DOCK10: variants seen among roughly 807,000 people sequenced by gnomAD.
DOCK10 encodes dedicator of cytokinesis 10.
DOCK10 carries 145 observed loss-of-function variants against 280.1 expected under a neutral mutation model. That is an observed-to-expected ratio of 0.52 (90% CI 0.45 to 0.59). The LOEUF is 0.59. Ranked by LOEUF, DOCK10 falls within the 20% of genes least tolerant of loss-of-function variation. DOCK10 has a pLI of 0.00. For missense variants in DOCK10, 2,368 were observed against 2,651.7 expected (o/e 0.89, Z 2.35); for synonymous variants, 915 against 942.2 (o/e 0.97, Z 0.53).
At chr2:224,900,288 AC>A (rs1700222385) in intron 3 of DOCK10, among the ~76,000 whole-genome samples, 1 of 151,922 alleles carries the variant, frequency 6.6e-6, no homozygotes, top group Non-Finnish European at 1.5e-5. Flanking sequence ...AAAAAAAAAA[AC>A]ACAAAACTTT....
intron 14 of DOCK10, among the ~76,000 whole-genome samples, chr2:224,858,096 G>A (rs72972610): frequency 0.095 from 14,444 of 152,124 alleles, 946 homozygotes; most frequent in Middle Eastern, 0.17. Context: ...TATAAAGGGC[G>A]TTTGTTTCAG....
intron 1 of DOCK10, chr2:224,946,864 T>C (rs13021295): frequency 1.3e-6 from 2 of 1,542,496 alleles, no homozygotes; most frequent in Admixed American, 4.1e-5. Flanking sequence ...AATCTGTGGA[T>C]TTCTTCTTGG....
intron 23 of DOCK10, 55 bp downstream of exon 23, chr2:224,841,749 T>A: frequency 8.0e-7 from 1 of 1,248,354 alleles, no homozygotes; most frequent in Non-Finnish European, 1.2e-6. Context: ...TGTAAAAGTC[T>A]CTTTTGCACA....
intron 40 of DOCK10, 34 bp from the exon 41 acceptor site, chr2:224,800,297 C>A: frequency 7.4e-7 from 1 of 1,357,722 alleles, no homozygotes; most frequent in South Asian, 1.2e-5. Flanking sequence ...GCGTAAAAGT[C>A]TAAGACAATG....
chr2:224,804,224 A>G lies in DOCK10; in HGVS notation c.4167-11T>C, dbSNP rs772958595. On this transcript the variant is annotated splice_polypyrimidine_tract_variant and intron_variant, in intron 38 of 55. Coordinates refer to ENST00000258390, the MANE Select transcript of DOCK10 (RefSeq NM_014689.3). ...GCAGCAGCAATTTTTCTGCAATGAA[A>G]ATGGAAGTTTTAATCATAGCTCAGT... is the stretch of plus-strand genomic sequence containing the variant. 6.4e-7 allele frequency: 1 copy of G among 1,573,060 alleles called. No homozygotes were observed. Among genetic ancestry groups the G allele is most frequent in the East Asian group, 2.3e-5 (1 of 44,430 alleles).
chr2:224,815,134 C>T (rs553173654), intron 30 of DOCK10, among the ~76,000 whole-genome samples: 1 of 152,076 alleles, frequency 6.6e-6, no homozygotes, highest in Non-Finnish European at 1.5e-5. Flanking sequence ...GTTCTCATGA[C>T]AGTAAGTGAG....
At chr2:224,886,342 T>TACC in intron 5 of DOCK10, 117 bp downstream of exon 5, 1 of 1,446,596 alleles carries the variant, frequency 6.9e-7, no homozygotes, top group Non-Finnish European at 9.5e-7. Context: ...CTAAAAGCCC[T>TACC]ACCACCAACA....
intron 1 of DOCK10, among the ~76,000 whole-genome samples, chr2:225,029,424 G>A (rs1372540678): frequency 4.6e-5 from 7 of 152,044 alleles, no homozygotes; most frequent in Admixed American, 1.3e-4. Flanking sequence ...CACCTGCCTC[G>A]GCCTCCCATA....
At chr2:225,025,995 A>C (rs1689909964) in intron 1 of DOCK10, among the ~76,000 whole-genome samples, 1 of 152,164 alleles carries the variant, frequency 6.6e-6, no homozygotes, top group Admixed American at 6.5e-5. Context: ...GAAGAGGAAG[A>C]GACTAAGTCT....
chr2:224,885,869 A>C, intron 6 of DOCK10, 64 bp from the exon 7 acceptor site: 1 of 1,565,674 alleles, frequency 6.4e-7, no homozygotes, highest in Non-Finnish European at 8.6e-7. Context: ...CATAGAAATT[A>C]GAATTATTCT....
At chr2:224,859,853 T>A (rs1034003726) in intron 14 of DOCK10, among the ~76,000 whole-genome samples, 3 of 152,248 alleles carry the variant, frequency 2.0e-5, no homozygotes, top group Non-Finnish European at 4.4e-5. Flanking sequence ...CTTCCTCTGA[T>A]GCTGTGCACA....
chr2:224,922,081 T>C (rs1445380237), intron 2 of DOCK10, among the ~76,000 whole-genome samples: 1 of 141,060 alleles, frequency 7.1e-6, no homozygotes, highest in Non-Finnish European at 1.5e-5. Flanking sequence ...ATGGCGCCAC[T>C]GTACTCCAGC....
chr2:224,954,532 C>T (rs190515819), intron 1 of DOCK10, among the ~76,000 whole-genome samples: 2 of 152,110 alleles, frequency 1.3e-5, no homozygotes, highest in South Asian at 4.1e-4. Flanking sequence ...CCAGCTTCAG[C>T]CTGCTCTGCT....
chr2:224,895,393 GT>G (rs1699922459), intron 4 of DOCK10, among the ~76,000 whole-genome samples: 1 of 152,156 alleles, frequency 6.6e-6, no homozygotes, highest in South Asian at 2.1e-4. Flanking sequence ...TGTTTCAAGT[GT>G]TTTTCTGAAT....
chr2:224,984,262 CCTCCG>C (rs2126260247), intron 1 of DOCK10, among the ~76,000 whole-genome samples: 1 of 152,350 alleles, frequency 6.6e-6, no homozygotes, highest in East Asian at 1.9e-4. Flanking sequence ...AAGACAGATC[CCTCCG>C]CTATCCACCA....
intron 29 of DOCK10, among the ~76,000 whole-genome samples, chr2:224,817,272 G>A (rs1303552614): frequency 2.6e-5 from 4 of 152,180 alleles, no homozygotes. Flanking sequence ...GTTAGATGGA[G>A]AGAAATGGAG....
chr2:224,890,531 A>G (rs1161812008), intron 4 of DOCK10, among the ~76,000 whole-genome samples: 2 of 152,242 alleles, frequency 1.3e-5, no homozygotes. Flanking sequence ...CTCAGCTCAG[A>G]ATGCCGCAGA....
chr2:225,006,323 G>C (rs548714685), intron 1 of DOCK10, among the ~76,000 whole-genome samples: 162 of 152,264 alleles, frequency 1.1e-3, no homozygotes, highest in African/African-American at 3.7e-3. Context: ...TAGCTGAAAA[G>C]CTTCAAAATC....
rs760060205 is a variant in DOCK10, at chr2:224,853,160, T to C, written c.1889-38A>G. The stretch of plus-strand genomic sequence containing the variant: ...GAAAATAAGAGTTTGTCATTTAATA[T>C]GGTTCTTTTAAAGTGAACAATAGTT... On this transcript the variant is annotated intron_variant, in intron 16 of 55. Transcript: ENST00000258390. 6 of 1,500,982 alleles carry C rather than the reference T, an allele frequency of 4.0e-6. No individual in the cohort carries two copies. The East Asian group carries it at 1.1e-4, about 28-fold the overall frequency. 93.0% of individuals were successfully genotyped at this position (1,500,982 alleles called of 1,614,324 possible).
Sources: gnomAD v4.1 joint callset for allele counts (sites outside exome capture counted in the v4.1 genomes callset) on GRCh38, gnomAD v4.1.1 for gene constraint, MANE v1.5 for transcripts, NCBI Gene and HGNC (gene_info 2026-07-23, HGNC 2026-07-21) for gene names.